The following SEPTIN14 variants were observed in gnomAD, a reference collection of about 807,000 sequenced individuals.
SEPTIN14 encodes septin 14.
Under a neutral mutation model 53.6 loss-of-function variants are expected in SEPTIN14, and 40 were observed. The observed-to-expected ratio is 0.75, with a 90% confidence interval of 0.58 to 0.97. SEPTIN14 has a LOEUF of 0.97. Among genes scored for constraint, SEPTIN14 ranks in the 50% least tolerant of loss-of-function variants. The pLI is 0.00. For missense variants in SEPTIN14, 471 were observed against 508.2 expected, an observed-to-expected ratio of 0.93 and a Z score of 0.70; for synonymous variants, 138 against 166.8, an observed-to-expected ratio of 0.83 and a Z score of 1.33.
intron 2 of SEPTIN14, among the ~76,000 whole-genome samples, chr7:55,853,347 A>C (rs1479313313): frequency 2.6e-5 from 4 of 152,252 alleles, no homozygotes; most frequent in African/African-American, 9.6e-5. Context: ...CTATTCAATC[A>C]TCAAAAAGAA....
intron 6 of SEPTIN14, among the ~76,000 whole-genome samples, chr7:55,830,240 T>C (rs985397513): frequency 2.5e-4 from 37 of 148,252 alleles, no homozygotes; most frequent in Non-Finnish European, 4.0e-4. Flanking sequence ...ACATGTAGGC[T>C]CAATCTTTTC....
intron 7 of SEPTIN14, among the ~76,000 whole-genome samples, chr7:55,808,396 T>C (rs1788642785): frequency 6.6e-6 from 1 of 152,168 alleles, no homozygotes; most frequent in African/African-American, 2.4e-5. Flanking sequence ...CTATTTTTAG[T>C]TTTTGAGGAA....
intron 6 of SEPTIN14, among the ~76,000 whole-genome samples, chr7:55,826,799 GAAAA>G (rs201714281): frequency 7.7e-6 from 1 of 130,700 alleles, no homozygotes; most frequent in Non-Finnish European, 1.7e-5. Context: ...CACTGTCCCA[GAAAA>G]AAAAAAAAAA....
chr7:55,860,526 G>A (rs926654866), intron 2 of SEPTIN14, among the ~76,000 whole-genome samples: 3 of 152,144 alleles, frequency 2.0e-5, no homozygotes, highest in African/African-American at 7.2e-5. Context: ...ATAGCTAAAA[G>A]AGGGGATTTG....
chr7:55,861,034 A>G (rs1789733669), intron 2 of SEPTIN14, among the ~76,000 whole-genome samples: 1 of 152,206 alleles, frequency 6.6e-6, no homozygotes, highest in East Asian at 1.9e-4. Context: ...ATAATGTTTG[A>G]CTAATTGGCT....
At chr7:55,837,417 C>T (rs1789232053) in intron 5 of SEPTIN14, among the ~76,000 whole-genome samples, 1 of 151,964 alleles carries the variant, frequency 6.6e-6, no homozygotes, top group South Asian at 2.1e-4. Flanking sequence ...ATGTCTGGCC[C>T]TTCTAAATTT....
chr7:55,839,566 A>G (rs1396297337), intron 5 of SEPTIN14, among the ~76,000 whole-genome samples: 3 of 152,180 alleles, frequency 2.0e-5, no homozygotes, highest in African/African-American at 7.2e-5. Context: ...CATCTCATTT[A>G]TAAATAAATC....
intron 2 of SEPTIN14, among the ~76,000 whole-genome samples, chr7:55,852,185 T>C (rs1584273548): frequency 6.9e-6 from 1 of 144,670 alleles, no homozygotes; most frequent in East Asian, 2.0e-4. Flanking sequence ...ATAGAAAAAA[T>C]AATCCTAAAA....
chr7:55,856,941 A>G (rs2116080918), intron 2 of SEPTIN14, among the ~76,000 whole-genome samples: 1 of 151,754 alleles, frequency 6.6e-6, no homozygotes, highest in Admixed American at 6.6e-5. Flanking sequence ...GGCGTGGTGC[A>G]TGCCTGTAAT....
intron 7 of SEPTIN14, among the ~76,000 whole-genome samples, chr7:55,809,550 T>A (rs990234220): frequency 1.3e-5 from 2 of 151,306 alleles, no homozygotes; most frequent in African/African-American, 4.9e-5. Context: ...AGAGACGGGG[T>A]TTTGCCATGT....
intron 6 of SEPTIN14, among the ~76,000 whole-genome samples, chr7:55,834,053 T>C (rs1789160334): frequency 6.6e-6 from 1 of 152,046 alleles, no homozygotes; most frequent in Admixed American, 6.6e-5. Flanking sequence ...AAGTAATTTT[T>C]CAAAACTCCA....
At chr7:55,830,341 A>ATTT (rs1789082534) in intron 6 of SEPTIN14, among the ~76,000 whole-genome samples, 9 of 32,270 alleles carry the variant, frequency 2.8e-4, no homozygotes, top group Non-Finnish European at 3.6e-4. Flanking sequence ...ATATATATAT[A>ATTT]TATATATATT....
chr7:55,834,233 T>C (rs1789162922), intron 6 of SEPTIN14, among the ~76,000 whole-genome samples, 192 bp downstream of exon 6: 1 of 152,198 alleles, frequency 6.6e-6, no homozygotes, highest in Non-Finnish European at 1.5e-5. Context: ...GAAAACACAC[T>C]TTCAAGAAGA....
chr7:55,853,024 A>C (rs981340069), intron 2 of SEPTIN14, among the ~76,000 whole-genome samples: 1 of 152,212 alleles, frequency 6.6e-6, no homozygotes, highest in Non-Finnish European at 1.5e-5. Flanking sequence ...TTTTTACCCA[A>C]AAGACTGGCA....
rs1198578704 is a variant in SEPTIN14, at chr7:55,844,556, A to G, written c.338T>C (p.Val113Ala). The G allele has an allele frequency of 1.9e-6, 3 of 1,592,616 alleles. No individual in the cohort carries two copies. The highest frequency in any genetic ancestry group is 1.7e-6 in the Non-Finnish European group (2 of 1,166,024). Residue 113 changes from valine to alanine, a missense_variant, in exon 4 of 10, where the codon GTA becomes GCA. Val to Ala is a moderately conservative substitution (Grantham distance 64). Coordinates refer to ENST00000388975, the MANE Select transcript of SEPTIN14 (RefSeq NM_207366.3). ...VQLKLTVVET[V>A]GYGDQIDKEA... ...TTTGTCTATTTGATCACCATACCCT[A>G]CTGTCTCCACAACAGTCAATTTCAA... is the stretch of plus-strand genomic sequence containing the variant.
chr7:55,847,001 C>A (rs1423889622), intron 2 of SEPTIN14, among the ~76,000 whole-genome samples: 1 of 152,112 alleles, frequency 6.6e-6, no homozygotes, highest in African/African-American at 2.4e-5. Flanking sequence ...GCCTGGCCAA[C>A]ATTGTGAAAC....
intron 7 of SEPTIN14, among the ~76,000 whole-genome samples, chr7:55,816,580 T>A (rs144750702): frequency 0.028 from 4,217 of 151,392 alleles, 87 homozygotes; most frequent in Middle Eastern, 0.065. Context: ...GCAGATCACC[T>A]GAGGTCAGGA....
intron 5 of SEPTIN14, among the ~76,000 whole-genome samples, chr7:55,839,842 G>A (rs1321704029): frequency 6.6e-6 from 1 of 152,082 alleles, no homozygotes; most frequent in Non-Finnish European, 1.5e-5. Context: ...CCTTCAAAGA[G>A]GTGATTAAAA....
intron 7 of SEPTIN14, among the ~76,000 whole-genome samples, chr7:55,814,590 C>A (rs1788761274): frequency 6.6e-6 from 1 of 151,834 alleles, no homozygotes; most frequent in African/African-American, 2.4e-5. Context: ...ATAAACATAA[C>A]CAAAGAAATG....
Sources: gnomAD v4.1 joint callset for allele counts (sites outside exome capture counted in the v4.1 genomes callset) on GRCh38, gnomAD v4.1.1 for gene constraint, MANE v1.5 for transcripts, NCBI Gene and HGNC (gene_info 2026-07-23, HGNC 2026-07-21) for gene names.